CACNA1A: variants seen among roughly 807,000 people sequenced by gnomAD.
CACNA1A encodes calcium voltage-gated channel subunit alpha1 A.
CACNA1A carries 57 observed loss-of-function variants against 262.4 expected under a neutral mutation model. That is an observed-to-expected ratio of 0.22 (90% CI 0.18 to 0.27). CACNA1A has a LOEUF of 0.27. CACNA1A is among the 10% of genes least tolerant of loss of function. CACNA1A has a pLI of 1.00. For synonymous variants in CACNA1A, 1,431 were observed against 1,419.3 expected, an observed-to-expected ratio of 1.01 and a Z score of -0.18; for missense variants, 2,526 against 3,562.8, an observed-to-expected ratio of 0.71 and a Z score of 7.41.
At chr19:13,372,998 A>T (rs951340159) in intron 3 of CACNA1A, among the ~76,000 whole-genome samples, 4 of 152,220 alleles carry the variant, frequency 2.6e-5, no homozygotes, top group Non-Finnish European at 5.9e-5. Context: ...TTTCCTGAAC[A>T]TGTCCATTTC....
chr19:13,357,716 C>T (rs1245917602), intron 6 of CACNA1A, among the ~76,000 whole-genome samples: 1 of 152,132 alleles, frequency 6.6e-6, no homozygotes, highest in Non-Finnish European at 1.5e-5. Context: ...ATTATAAATG[C>T]ATTTAGGCTG....
intron 3 of CACNA1A, among the ~76,000 whole-genome samples, chr19:13,425,350 T>G (rs1324167061): frequency 6.6e-6 from 1 of 152,110 alleles, no homozygotes; most frequent in Non-Finnish European, 1.5e-5. Context: ...AACTGCTGCT[T>G]CAAGTTTTAT....
chr19:13,219,936 C>A (rs1263797095), intron 38 of CACNA1A, among the ~76,000 whole-genome samples: 4 of 127,800 alleles, frequency 3.1e-5, no homozygotes, highest in East Asian at 2.2e-4. Context: ...GGTGACAGAA[C>A]AAGACTCCGT....
intron 4 of CACNA1A, among the ~76,000 whole-genome samples, chr19:13,369,358 A>G: frequency 6.6e-6 from 1 of 151,990 alleles, no homozygotes; most frequent in East Asian, 1.9e-4. Context: ...TGTCACACAC[A>G]CTCCAGCTGA....
chr19:13,496,071 TCCATCCATCCATCCATCCAC>T lies in CACNA1A; in HGVS notation c.293+9841_293+9860del, dbSNP rs1197044956. ...ATCCATCCATCCATCCATCCATCCA[TCCATCCATCCATCCATCCAC>T]CCAGACATCCAACACTAACTGCAGA... On this transcript the variant is annotated intron_variant, in intron 1 of 46. Coordinates refer to ENST00000360228, the MANE Select transcript of CACNA1A (RefSeq NM_001127222.2). Among the ~76,000 whole-genome samples, 494 of 148,448 alleles carry T rather than the reference TCCATCCATCCATCCATCCAC, an allele frequency of 3.3e-3. 3 individuals are homozygous for T. Among genetic ancestry groups the T allele is most frequent in the African/African-American group, 0.012 (469 of 38,438 alleles).
intron 3 of CACNA1A, among the ~76,000 whole-genome samples, chr19:13,417,343 T>C (rs1264317334): frequency 6.6e-6 from 1 of 152,166 alleles, no homozygotes; most frequent in East Asian, 1.9e-4. Context: ...GAGGGAAGGC[T>C]GTCATGTTTC....
At chr19:13,482,186 T>G (rs1430527575) in intron 1 of CACNA1A, among the ~76,000 whole-genome samples, 1 of 151,968 alleles carries the variant, frequency 6.6e-6, no homozygotes, top group African/African-American at 2.4e-5. Flanking sequence ...CCACCAATAA[T>G]AAGAATAGCA....
chr19:13,363,894 C>A (rs911313196), intron 5 of CACNA1A: 1 of 152,246 alleles, frequency 6.6e-6, no homozygotes, highest in Non-Finnish European at 1.5e-5. Flanking sequence ...GGCATCCCTT[C>A]CTACTTGATT....
intron 18 of CACNA1A, 95 bp downstream of exon 18, chr19:13,300,455 G>A (rs142877049): frequency 1.2e-6 from 1 of 843,102 alleles, no homozygotes; most frequent in African/African-American, 1.7e-5. Flanking sequence ...GCTCAGTTCT[G>A]TCAAGGACCA....
In CACNA1A at chr19:13,298,776, C is replaced by A; in HGVS notation, c.2857G>T (p.Gly953Trp). Residue 953 changes from glycine (G) to tryptophan (W), a missense_variant, in exon 19 of 47, where the codon GGG (glycine) becomes TGG (tryptophan). This residue lies in a region of CACNA1A where 765 missense variants were observed against 748.6 expected (regional missense o/e 1.02). Coordinates refer to ENST00000360228, the MANE Select transcript of CACNA1A (RefSeq NM_001127222.2). ...TGCGCGCGATGACGTCGATGCTCCC[C>A]GTCCGCGCCCGTGCGCGGGGACCCG... Reference protein sequence around the residue: ...RSGSPRTGADGEHRRHRAHRR... With the variant: ...RSGSPRTGADWEHRRHRAHRR... The A allele has an allele frequency of 6.5e-7, 1 of 1,527,368 alleles. No homozygotes were observed. Among genetic ancestry groups the A allele is most frequent in the Non-Finnish European group, 8.7e-7 (1 of 1,146,904 alleles). The allele number at this position is 1,527,368 out of a possible 1,614,324, so 94.6% of individuals were successfully genotyped here. A position where few individuals can be genotyped will look rare whatever the true frequency, so the allele number is the denominator to read the frequency against.
intron 20 of CACNA1A, among the ~76,000 whole-genome samples, chr19:13,286,301 C>T (rs2057397923): frequency 6.6e-6 from 1 of 152,160 alleles, no homozygotes; most frequent in African/African-American, 2.4e-5. Flanking sequence ...CTGAACACAA[C>T]CCCGTGCCAG....
Position 13,298,979 on chromosome 19 carries a change from C to T in CACNA1A, c.2654G>A (p.Gly885Glu). ...CCGGCTCAGCTCGGCCTCCTGGCTT[C>T]CCGCCCAGGGCCTCCGTGCGTCCAG... ...AGLDARRPWA[G>E]SQEAELSREG... The change falls in exon 19 of 47, where the codon GGA (glycine) becomes GAA (glutamate). Residue 885 changes from glycine to glutamate, a missense_variant. Coordinates refer to ENST00000360228, the MANE Select transcript of CACNA1A (RefSeq NM_001127222.2). 5 of 1,583,342 alleles carry T rather than the reference C, an allele frequency of 3.2e-6. No individual in the cohort carries two copies. Among genetic ancestry groups the T allele is most frequent in the Admixed American group, 3.5e-5 (2 of 57,452 alleles).
intron 11 of CACNA1A, chr19:13,315,541 G>T (rs529713743): frequency 6.6e-6 from 1 of 152,262 alleles, no homozygotes; most frequent in East Asian, 1.9e-4. Flanking sequence ...GAATATAGGA[G>T]ATTAAAAATA....
chr19:13,255,354 T>G, intron 28 of CACNA1A, 95 bp from the exon 29 acceptor site: 2 of 1,154,148 alleles, frequency 1.7e-6, no homozygotes, highest in Non-Finnish European at 2.4e-6. Context: ...GGTTCTCAAG[T>G]GCTTCTGCTT....
chr19:13,439,747 C>T (rs939713776), intron 3 of CACNA1A, among the ~76,000 whole-genome samples: 7 of 151,862 alleles, frequency 4.6e-5, no homozygotes, highest in African/African-American at 9.7e-5. Flanking sequence ...AAACACTGAC[C>T]GGCTATCTTA....
chr19:13,400,820 A>G (rs2059888036), intron 3 of CACNA1A, among the ~76,000 whole-genome samples: 3 of 152,058 alleles, frequency 2.0e-5, no homozygotes, highest in Admixed American at 2.0e-4. Flanking sequence ...CTGACCTAGA[A>G]CCCAGGGGGC....
At chr19:13,473,624 T>C (rs1037726860) in intron 1 of CACNA1A, among the ~76,000 whole-genome samples, 1 of 152,216 alleles carries the variant, frequency 6.6e-6, no homozygotes, top group Non-Finnish European at 1.5e-5. Context: ...TGTATTTGCC[T>C]ATTCCTTATT....
chr19:13,230,765 C>T (rs1176796184), intron 35 of CACNA1A, among the ~76,000 whole-genome samples: 1 of 151,372 alleles, frequency 6.6e-6, no homozygotes, highest in Non-Finnish European at 1.5e-5. Context: ...TGAGGTCTCG[C>T]CACTGCACTT....
chr19:13,257,850 G>A (rs944507206), intron 27 of CACNA1A: 9 of 193,114 alleles, frequency 4.7e-5, no homozygotes, highest in East Asian at 3.7e-4. Flanking sequence ...TGATTCTCCT[G>A]CCTCAGCCTC....
Sources: allele counts gnomAD v4.1 joint callset (sites outside exome capture counted in the v4.1 genomes callset), GRCh38; gene constraint gnomAD v4.1.1; regional missense constraint gnomAD v4.1.1; transcripts MANE v1.5; gene names NCBI Gene and HGNC (gene_info 2026-07-23, HGNC 2026-07-21).